The following FSIP1 variants were observed in gnomAD, a reference collection of about 807,000 sequenced individuals.
FSIP1 encodes the protein fibrous sheath-interacting protein 1.
In FSIP1, 65 loss-of-function variants were observed where a neutral mutation model predicts 60.9. That is an observed-to-expected ratio of 1.07 (90% CI 0.87 to 1.31). The LOEUF is 1.31. Among genes scored for constraint, FSIP1 ranks in the 40% most tolerant of loss-of-function variants. The pLI, the probability that FSIP1 is intolerant of heterozygous loss-of-function variation, is 0.00. For synonymous variants in FSIP1, 209 were observed against 221.2 expected (o/e 0.94, Z 0.49); for missense variants, 675 against 665.5 (o/e 1.01, Z -0.16).
At chr15:39,621,074 A>G (rs898231249) in intron 10 of FSIP1, among the ~76,000 whole-genome samples, 5 of 149,890 alleles carry the variant, frequency 3.3e-5, no homozygotes, top group Admixed American at 3.3e-4. Flanking sequence ...AAAAAAAAAA[A>G]TACAAAATTA....
chr15:39,687,880 G>A (rs975449325), intron 10 of FSIP1, among the ~76,000 whole-genome samples: 2 of 152,052 alleles, frequency 1.3e-5, no homozygotes, highest in Non-Finnish European at 2.9e-5. Context: ...ACATCTATAT[G>A]AGCATTTTTC....
intron 5 of FSIP1, among the ~76,000 whole-genome samples, chr15:39,745,301 G>A (rs1896957529): frequency 6.6e-6 from 1 of 152,010 alleles, no homozygotes; most frequent in Non-Finnish European, 1.5e-5. Context: ...TGGAAACTGC[G>A]ACTTTAAGCA....
intron 10 of FSIP1, among the ~76,000 whole-genome samples, chr15:39,639,476 C>T (rs1379472365): frequency 6.6e-6 from 1 of 152,028 alleles, no homozygotes; most frequent in Admixed American, 6.5e-5. Flanking sequence ...AAAATGGATT[C>T]GAAGTTGGTA....
chr15:39,633,091 C>CTT (rs869063502), intron 10 of FSIP1, among the ~76,000 whole-genome samples: 41 of 112,878 alleles, frequency 3.6e-4, no homozygotes, highest in Middle Eastern at 5.5e-3. Flanking sequence ...GGCTATACTT[C>CTT]TTTTTTTTTT....
chr15:39,742,722 T>TACATTCACCCTCAACAC (rs1407268040), intron 5 of FSIP1, among the ~76,000 whole-genome samples: 4 of 152,176 alleles, frequency 2.6e-5, no homozygotes, highest in Non-Finnish European at 5.9e-5. Context: ...AGGCAGAAGA[T>TACATTCACCCTCAACAC]ACATTCACCC....
At chr15:39,777,933 A>C (rs568901842) in intron 1 of FSIP1, among the ~76,000 whole-genome samples, 24 of 152,202 alleles carry the variant, frequency 1.6e-4, no homozygotes, top group Non-Finnish European at 3.5e-4. Context: ...GAGAAAGCAC[A>C]AATATAAACA....
intron 10 of FSIP1, among the ~76,000 whole-genome samples, chr15:39,699,826 G>A (rs573387853): frequency 1.3e-5 from 2 of 152,286 alleles, no homozygotes; most frequent in South Asian, 2.1e-4. Flanking sequence ...ACCACTGTCT[G>A]TTTTTCAATC....
intron 10 of FSIP1, among the ~76,000 whole-genome samples, chr15:39,683,117 C>T (rs934585774): frequency 2.6e-5 from 4 of 152,120 alleles, no homozygotes; most frequent in African/African-American, 9.7e-5. Flanking sequence ...ACAGGGTGGT[C>T]ACTAGCCCAG....
intron 6 of FSIP1, among the ~76,000 whole-genome samples, chr15:39,741,247 T>C (rs1219274525): frequency 1.3e-5 from 2 of 152,210 alleles, no homozygotes; most frequent in Admixed American, 6.5e-5. Context: ...TAATAAACAG[T>C]AGGGAAAACA....
intron 10 of FSIP1, among the ~76,000 whole-genome samples, chr15:39,689,377 C>T (rs1036343668): frequency 6.6e-6 from 1 of 152,134 alleles, no homozygotes; most frequent in Non-Finnish European, 1.5e-5. Context: ...TGAGCTTAAT[C>T]TCCAGACCCT....
In FSIP1 at chr15:39,722,704, G is replaced by A. The variant is rs116994193; in HGVS notation, c.1050+3885C>T. Among the ~76,000 whole-genome samples the A allele has an allele frequency of 2.3e-4, 35 of 152,238 alleles. No individual in the cohort carries two copies. The East Asian group carries it at 6.6e-3, about 29-fold the overall frequency. ...TGGGCACTTTGGGAGGTTGAGGCAG[G>A]TGGATCTCTTGAGGCCAGGAGTTCA... On this transcript the variant is annotated intron_variant, in intron 9 of 11. Transcript: ENST00000350221.
intron 10 of FSIP1, among the ~76,000 whole-genome samples, chr15:39,672,930 C>A: frequency 6.6e-6 from 1 of 150,632 alleles, no homozygotes; most frequent in South Asian, 2.1e-4. Flanking sequence ...ACTATGTGGC[C>A]TAAAAAACCA....
intron 3 of FSIP1, among the ~76,000 whole-genome samples, chr15:39,769,610 T>C (rs1463168879): frequency 6.6e-6 from 1 of 152,216 alleles, no homozygotes; most frequent in Non-Finnish European, 1.5e-5. Context: ...GCATAATTGC[T>C]TTATGTATAC....
intron 3 of FSIP1, among the ~76,000 whole-genome samples, chr15:39,768,159 T>C (rs1897756263): frequency 2.0e-5 from 3 of 152,210 alleles, no homozygotes; most frequent in Non-Finnish European, 2.9e-5. Flanking sequence ...AGGGAAGCAC[T>C]GAAGAAGTGA....
At chr15:39,702,264 G>T (rs1284808995) in intron 10 of FSIP1, among the ~76,000 whole-genome samples, 1 of 150,026 alleles carries the variant, frequency 6.7e-6, no homozygotes, top group African/African-American at 2.5e-5. Flanking sequence ...CCCTACACAT[G>T]CCTGGTTAAA....
chr15:39,625,628 G>A (rs940476215), intron 10 of FSIP1, among the ~76,000 whole-genome samples: 1 of 152,158 alleles, frequency 6.6e-6, no homozygotes, highest in Admixed American at 6.5e-5. Flanking sequence ...TGAGCAAGTC[G>A]CCGGAATGGC....
At chr15:39,641,995 G>A (rs921214742) in intron 10 of FSIP1, among the ~76,000 whole-genome samples, 1 of 152,066 alleles carries the variant, frequency 6.6e-6, no homozygotes, top group African/African-American at 2.4e-5. Context: ...ATGTGGGTTG[G>A]GACTCTTGAA....
chr15:39,715,593 T>G (rs1272523849), intron 9 of FSIP1, among the ~76,000 whole-genome samples: 1 of 152,232 alleles, frequency 6.6e-6, no homozygotes, highest in East Asian at 1.9e-4. Context: ...CAAGAAGTGA[T>G]TATTTTATAT....
intron 10 of FSIP1, among the ~76,000 whole-genome samples, chr15:39,658,833 A>C (rs958537316): frequency 6.6e-6 from 1 of 152,220 alleles, no homozygotes; most frequent in African/African-American, 2.4e-5. Flanking sequence ...ATAACTAAAA[A>C]CATGTCCACA....
Sources: gnomAD v4.1 joint callset for allele counts (sites outside exome capture counted in the v4.1 genomes callset) on GRCh38, gnomAD v4.1.1 for gene constraint, MANE v1.5 for transcripts, NCBI Gene and HGNC (gene_info 2026-07-23, HGNC 2026-07-21) for gene names.